UTRN: variants seen among roughly 807,000 people sequenced by gnomAD.
UTRN encodes the protein dystrophin-related protein 1.
A neutral mutation model predicts 463.9 loss-of-function variants in UTRN; 283 were observed. The observed-to-expected ratio is 0.61, with a 90% CI of 0.55 to 0.67. The LOEUF is 0.67. Ranked by LOEUF, UTRN falls within the 30% of genes least tolerant of loss-of-function variation. The probability of loss-of-function intolerance (pLI) is 0.00; values close to 1 mark genes in which losing one functional copy is unlikely to be tolerated. For missense variants in UTRN, 3,922 were observed against 4,084.3 expected (o/e 0.96, Z 1.08); for synonymous variants, 1,442 against 1,431.5 (o/e 1.01, Z -0.17).
intron 53 of UTRN, among the ~76,000 whole-genome samples, chr6:144,726,621 C>T (rs1303286172): frequency 6.6e-6 from 1 of 152,048 alleles, no homozygotes; most frequent in Admixed American, 6.5e-5. Context: ...GTAGAAGGTG[C>T]CAGGTCTAGG....
chr6:144,768,952 TG>T (rs66462018), intron 58 of UTRN, among the ~76,000 whole-genome samples: 4,454 of 112,618 alleles, frequency 0.04, 113 homozygotes, highest in African/African-American at 0.094. Flanking sequence ...TTTTTTGTTT[TG>T]TTTTGTTTTT....
At chr6:144,652,310 G>C (rs1271319792) in intron 51 of UTRN, among the ~76,000 whole-genome samples, 1 of 152,058 alleles carries the variant, frequency 6.6e-6, no homozygotes. Flanking sequence ...TGACAAACAG[G>C]GTCCAGGGAA....
At chr6:144,414,130 A>AT in intron 3 of UTRN, among the ~76,000 whole-genome samples, 1 of 124,960 alleles carries the variant, frequency 8.0e-6, no homozygotes, top group African/African-American at 4.0e-5. Context: ...CCTACTCATT[A>AT]AAAAAAAAAA....
intron 17 of UTRN, 41 bp downstream of exon 17, chr6:144,448,810 C>T (rs1226265860): frequency 1.3e-6 from 2 of 1,593,038 alleles, no homozygotes; most frequent in South Asian, 2.3e-5. Context: ...CAATATTGCA[C>T]ATACTATATT....
chr6:144,660,039 G>A (rs532346294), intron 51 of UTRN: 2 of 351,478 alleles, frequency 5.7e-6, no homozygotes, highest in East Asian at 7.4e-5. Flanking sequence ...CCACAGTGGG[G>A]TGGCTAAAAT....
intron 53 of UTRN, among the ~76,000 whole-genome samples, chr6:144,724,795 A>G (rs1164921325): frequency 6.6e-6 from 1 of 152,276 alleles, no homozygotes; most frequent in Non-Finnish European, 1.5e-5. Flanking sequence ...ATAAGATGTC[A>G]TTGTATTATG....
chr6:144,534,940 G>A (rs1223642648), intron 43 of UTRN, among the ~76,000 whole-genome samples: 2 of 152,206 alleles, frequency 1.3e-5, no homozygotes, highest in African/African-American at 2.4e-5. Context: ...GCATCGTCGT[G>A]TGAGAGATCT....
At chr6:144,342,289 G>GT (rs1289122766) in intron 2 of UTRN, among the ~76,000 whole-genome samples, 1 of 151,250 alleles carries the variant, frequency 6.6e-6, no homozygotes, top group African/African-American at 2.4e-5. Flanking sequence ...TCTTCCAAAG[G>GT]TTAAGCATAG....
chr6:144,341,992 G>A (rs528206272), intron 2 of UTRN, among the ~76,000 whole-genome samples: 2 of 152,324 alleles, frequency 1.3e-5, no homozygotes, highest in South Asian at 2.1e-4. Flanking sequence ...GCCAGTATCC[G>A]TTCTGACTAG....
At chr6:144,463,616 C>CT (rs528473376) in intron 23 of UTRN, among the ~76,000 whole-genome samples, 3,191 of 136,958 alleles carry the variant, frequency 0.023, 115 homozygotes, top group African/African-American at 0.077. Flanking sequence ...TTACCTTGGT[C>CT]TTTTTTTTTT....
At chr6:144,412,984 A>G (rs1438604521) in intron 3 of UTRN, among the ~76,000 whole-genome samples, 1 of 152,210 alleles carries the variant, frequency 6.6e-6, no homozygotes, top group Non-Finnish European at 1.5e-5. Flanking sequence ...TTTTTATTAT[A>G]TGCAGTTATA....
At chr6:144,711,411 G>A (rs997413279) in intron 53 of UTRN, among the ~76,000 whole-genome samples, 23 of 151,928 alleles carry the variant, frequency 1.5e-4, no homozygotes, top group Admixed American at 1.4e-3. Context: ...GACTTCAATC[G>A]AATTTTTAGA....
chr6:144,629,070 G>A (rs1182922811), intron 51 of UTRN, among the ~76,000 whole-genome samples: 1 of 152,114 alleles, frequency 6.6e-6, no homozygotes, highest in Non-Finnish European at 1.5e-5. Flanking sequence ...TTCTGAGCAT[G>A]GCCAATAGCA....
chr6:144,685,332 A>G (rs1200472398), intron 52 of UTRN, among the ~76,000 whole-genome samples: 1 of 152,180 alleles, frequency 6.6e-6, no homozygotes, highest in Non-Finnish European at 1.5e-5. Context: ...TTGTGCTGTG[A>G]TAAACATACG....
chr6:144,471,040 G>A (rs1241124049), intron 23 of UTRN, among the ~76,000 whole-genome samples: 2 of 122,620 alleles, frequency 1.6e-5, no homozygotes, highest in East Asian at 5.5e-4. Flanking sequence ...AGACGAGGGA[G>A]GGGGAGAGGG....
intron 53 of UTRN, among the ~76,000 whole-genome samples, chr6:144,725,755 A>G (rs752570645): frequency 1.3e-5 from 2 of 152,238 alleles, no homozygotes; most frequent in African/African-American, 2.4e-5. Context: ...AGTTAAATCT[A>G]TTTCTGACAT....
intron 2 of UTRN, among the ~76,000 whole-genome samples, chr6:144,356,918 A>G (rs926134231): frequency 2.8e-5 from 3 of 106,204 alleles, no homozygotes; most frequent in South Asian, 7.7e-4. Context: ...CATACTGTTT[A>G]TCAAGACATA....
intron 2 of UTRN, among the ~76,000 whole-genome samples, chr6:144,302,471 A>G (rs1805369504): frequency 1.4e-5 from 2 of 145,154 alleles, no homozygotes; most frequent in Non-Finnish European, 3.0e-5. Context: ...GATTGTGCCA[A>G]TGCACTCCAG....
chr6:144,551,854 T>C (rs1798947887), intron 48 of UTRN, among the ~76,000 whole-genome samples: 1 of 152,220 alleles, frequency 6.6e-6, no homozygotes. Context: ...TTATTTGCAT[T>C]ATTTTATTTC....
Sources: gnomAD v4.1 joint callset for allele counts (sites outside exome capture counted in the v4.1 genomes callset) on GRCh38, gnomAD v4.1.1 for gene constraint, MANE v1.5 for transcripts, NCBI Gene and HGNC (gene_info 2026-07-23, HGNC 2026-07-21) for gene names.